MED12L: variants seen among roughly 807,000 people sequenced by gnomAD.
MED12L encodes the protein mediator of RNA polymerase II transcription subunit 12-like protein.
MED12L carries 60 observed loss-of-function variants against 281.3 expected under a neutral mutation model. The ratio of observed to expected loss-of-function variants is 0.21; its 90% CI spans 0.17 to 0.26. The LOEUF (loss-of-function observed/expected upper bound fraction) is 0.26. Among genes scored for constraint, MED12L ranks in the 10% least tolerant of loss-of-function variants. MED12L has a pLI of 1.00. For synonymous variants in MED12L, 974 were observed against 987.2 expected (o/e 0.99, Z 0.25); for missense variants, 2,146 against 2,680.9 (o/e 0.80, Z 4.41).
chr3:151,116,097 A>G (rs1170698674), intron 2 of MED12L, among the ~76,000 whole-genome samples: 2 of 150,894 alleles, frequency 1.3e-5, no homozygotes, highest in Non-Finnish European at 2.9e-5. Flanking sequence ...AGAATAGTAT[A>G]AGGAATACCC....
At chr3:151,178,599 G>A (rs1722358307) in intron 11 of MED12L, among the ~76,000 whole-genome samples, 2 of 152,300 alleles carry the variant, frequency 1.3e-5, no homozygotes, top group East Asian at 1.9e-4. Flanking sequence ...ATTTCCACGA[G>A]TTATGTTGTG....
intron 26 of MED12L, among the ~76,000 whole-genome samples, chr3:151,371,677 G>A (rs1756207178): frequency 1.3e-5 from 2 of 152,158 alleles, no homozygotes; most frequent in African/African-American, 4.8e-5. Flanking sequence ...TACTGTAAAA[G>A]CATTTGTTGG....
rs757645535 is a variant in MED12L, at chr3:151,416,345, C to T, written c.6331C>T (p.Pro2111Ser). 30 of 1,610,800 alleles carry T rather than the reference C, an allele frequency of 1.9e-5. No homozygotes were observed. Among genetic ancestry groups the T allele is most frequent in the Non-Finnish European group, 3.4e-6 (4 of 1,178,028 alleles). ...GCCCCAGCAGCCCCAGCCCCAGCAG[C>T]CTCCCCAGCCCCAGCAGTCCTCGCA... Reference protein sequence around the residue: ...QQPQQPQPQQPPQPQQSSQSQ... With the variant: ...QQPQQPQPQQSPQPQQSSQSQ... Residue 2111 changes from proline (P) to serine (S), a missense_variant, in exon 43 of 45, where the codon CCT (proline) becomes TCT (serine). Pro to Ser is a moderately conservative substitution (Grantham distance 74, BLOSUM62 -1). This residue lies in a region of MED12L where 496 missense variants were observed against 512.0 expected (regional missense o/e 0.97). Coordinates refer to ENST00000687756, the MANE Select transcript of MED12L (RefSeq NM_001393769.1).
At chr3:151,319,339 G>A (rs544174928) in intron 16 of MED12L, among the ~76,000 whole-genome samples, 4 of 152,044 alleles carry the variant, frequency 2.6e-5, no homozygotes, top group East Asian at 3.9e-4. Flanking sequence ...TCTTCATAGC[G>A]ATAATTTCCT....
chr3:151,322,558 C>G (rs1305961137), intron 16 of MED12L, among the ~76,000 whole-genome samples: 7 of 151,976 alleles, frequency 4.6e-5, no homozygotes. Flanking sequence ...GCTTCTACTT[C>G]CTCACTTCCC....
intron 20 of MED12L, among the ~76,000 whole-genome samples, chr3:151,358,208 T>C (rs1754171610): frequency 6.6e-6 from 1 of 152,152 alleles, no homozygotes; most frequent in South Asian, 2.1e-4. Context: ...ATGCTACCTT[T>C]ATTTGTATTA....
chr3:151,284,653 G>T (rs1284571826), intron 16 of MED12L, among the ~76,000 whole-genome samples: 2 of 152,182 alleles, frequency 1.3e-5, no homozygotes, highest in Admixed American at 1.3e-4. Flanking sequence ...TTGTTGCCCA[G>T]GCTGGAGTGC....
At chr3:151,153,415 G>T (rs1225656362) in intron 5 of MED12L, among the ~76,000 whole-genome samples, 1 of 152,030 alleles carries the variant, frequency 6.6e-6, no homozygotes, top group African/African-American at 2.4e-5. Context: ...AACTACACAT[G>T]TATTCATATC....
intron 3 of MED12L, among the ~76,000 whole-genome samples, chr3:151,121,203 A>C (rs1337543155): frequency 6.6e-6 from 1 of 152,230 alleles, no homozygotes; most frequent in Non-Finnish European, 1.5e-5. Context: ...CTTGTTTCCA[A>C]ACAGCTGGTT....
At chr3:151,117,184 T>C (rs1489167034) in intron 3 of MED12L, among the ~76,000 whole-genome samples, 1 of 152,214 alleles carries the variant, frequency 6.6e-6, no homozygotes, top group Non-Finnish European at 1.5e-5. Context: ...TCTTTTTTTT[T>C]CTTTTAATTT....
chr3:151,408,548 A>G (rs750195681), intron 39 of MED12L, among the ~76,000 whole-genome samples: 15 of 152,214 alleles, frequency 9.9e-5, no homozygotes, highest in Non-Finnish European at 2.1e-4. Context: ...CCATGAAGTA[A>G]CTTCTGCCAC....
intron 5 of MED12L, among the ~76,000 whole-genome samples, chr3:151,136,227 A>G (rs1182214271): frequency 2.0e-5 from 3 of 152,234 alleles, no homozygotes; most frequent in Non-Finnish European, 4.4e-5. Flanking sequence ...TTGGACTGCA[A>G]AAATAAGTCC....
intron 16 of MED12L, among the ~76,000 whole-genome samples, chr3:151,285,725 C>A (rs996784212): frequency 6.6e-6 from 1 of 152,046 alleles, no homozygotes; most frequent in African/African-American, 2.4e-5. Flanking sequence ...GAAATCTAAT[C>A]CCCAATGTGT....
intron 11 of MED12L, among the ~76,000 whole-genome samples, chr3:151,184,072 C>G (rs1448414149): frequency 6.6e-6 from 1 of 152,174 alleles, no homozygotes; most frequent in Non-Finnish European, 1.5e-5. Flanking sequence ...AATTGAGTTA[C>G]TTCTCTTGTT....
At chr3:151,194,617 G>T (rs1032253496) in intron 16 of MED12L, among the ~76,000 whole-genome samples, 1 of 152,124 alleles carries the variant, frequency 6.6e-6, no homozygotes, top group Non-Finnish European at 1.5e-5. Flanking sequence ...CTCAGATTTG[G>T]ACTGGTTGAA....
rs1256359601 is a variant in MED12L, at chr3:151,434,683, TAGTG to T, written c.*1887_*1890del. The T allele has an allele frequency of 3.3e-5, 5 of 152,356 alleles. No individual in the cohort carries two copies. Among genetic ancestry groups the T allele is most frequent in the East Asian group, 1.9e-4 (1 of 5,190 alleles). The allele number at this position is 152,356 out of a possible 1,614,324, so 9.4% of individuals were successfully genotyped here. ...TCAACCGAAATGTGAATGTTGTGCC[TAGTG>T]AGTGAGTCATGTTCCATCATTATTT... On this transcript the variant is annotated 3_prime_UTR_variant, in exon 45 of 45. Coordinates refer to ENST00000687756, the MANE Select transcript of MED12L (RefSeq NM_001393769.1).
chr3:151,416,185 A>C, intron 42 of MED12L, 127 bp from the exon 43 acceptor site: 1 of 1,522,822 alleles, frequency 6.6e-7, no homozygotes, highest in East Asian at 2.2e-5. Context: ...GTAGAGATGC[A>C]GCAGGCAGGT....
Position 151,377,186 on chromosome 3 carries a change from TG to T in MED12L, c.4316+9del. 1 of 1,600,398 alleles carries T rather than the reference TG, an allele frequency of 6.2e-7. No homozygotes were observed. The highest frequency in any genetic ancestry group is 8.5e-7 in the Non-Finnish European group (1 of 1,174,742). On this transcript the variant is annotated intron_variant, in intron 30 of 44. Transcript: ENST00000687756. Reference sequence around the variant, plus strand: ...AATAAAGACATTCCTAAGGTATTTTTGTCTGTTGTTTTATTGAACTGTCATG... The same window carrying T: ...AATAAAGACATTCCTAAGGTATTTTTTCTGTTGTTTTATTGAACTGTCATG...
intron 16 of MED12L, chr3:151,327,601 A>T: frequency 6.5e-6 from 1 of 153,730 alleles, no homozygotes; most frequent in African/African-American, 2.4e-5. Context: ...ATCTACATTT[A>T]AGGGGCACAA....
Sources: allele counts gnomAD v4.1 joint callset (sites outside exome capture counted in the v4.1 genomes callset), GRCh38; gene constraint gnomAD v4.1.1; regional missense constraint gnomAD v4.1.1; transcripts MANE v1.5; gene names NCBI Gene and HGNC (gene_info 2026-07-23, HGNC 2026-07-21).